Variants in LRRTM4 observed in about 807,000 individuals in gnomAD.
LRRTM4 encodes leucine-rich repeat transmembrane neuronal protein 4.
A neutral mutation model predicts 47.6 loss-of-function variants in LRRTM4; 25 were observed. The observed-to-expected ratio is 0.53, with a 90% confidence interval of 0.38 to 0.73. The LOEUF is 0.73. Among genes scored for constraint, LRRTM4 ranks in the 30% least tolerant of loss-of-function variants. The pLI, the probability that LRRTM4 is intolerant of heterozygous loss-of-function variation, is 0.00. For missense variants in LRRTM4, 638 were observed against 713.4 expected (o/e 0.89, Z 1.20); for synonymous variants, 311 against 269.5 (o/e 1.15, Z -1.51).
intron 3 of LRRTM4, among the ~76,000 whole-genome samples, chr2:76,872,299 T>C (rs978349126): frequency 2.6e-5 from 4 of 152,154 alleles, no homozygotes; most frequent in African/African-American, 7.2e-5. Flanking sequence ...TATTGCAACA[T>C]TGAACCAGTA....
At chr2:76,957,083 G>T (rs1399872085) in intron 3 of LRRTM4, among the ~76,000 whole-genome samples, 1 of 151,686 alleles carries the variant, frequency 6.6e-6, no homozygotes, top group Non-Finnish European at 1.5e-5. Context: ...TATTTGGCAA[G>T]AAAAGAGAAA....
intron 3 of LRRTM4, among the ~76,000 whole-genome samples, chr2:77,024,213 A>G (rs903242109): frequency 6.6e-6 from 1 of 152,176 alleles, no homozygotes; most frequent in Non-Finnish European, 1.5e-5. Context: ...CGGGAATACA[A>G]TTCCAAATGA....
At chr2:77,456,238 G>A (rs1381332079) in intron 3 of LRRTM4, among the ~76,000 whole-genome samples, 2 of 152,042 alleles carry the variant, frequency 1.3e-5, no homozygotes, top group East Asian at 1.9e-4. Context: ...TATTTACTAT[G>A]CTACCCTAAA....
At chr2:76,982,332 A>G (rs1224330124) in intron 3 of LRRTM4, among the ~76,000 whole-genome samples, 1 of 152,080 alleles carries the variant, frequency 6.6e-6, no homozygotes, top group East Asian at 1.9e-4. Context: ...CACTCTGACA[A>G]TGCCGGTGAT....
chr2:77,079,923 G>C (rs556432234), intron 3 of LRRTM4, among the ~76,000 whole-genome samples: 19 of 151,718 alleles, frequency 1.3e-4, no homozygotes, highest in Non-Finnish European at 2.4e-4. Context: ...TTTTATGATA[G>C]AAATATATTT....
At chr2:77,052,823 A>G (rs1346464557) in intron 3 of LRRTM4, among the ~76,000 whole-genome samples, 1 of 152,114 alleles carries the variant, frequency 6.6e-6, no homozygotes, top group African/African-American at 2.4e-5. Context: ...TTTTTTTAAA[A>G]AACAGTGAAA....
chr2:77,008,015 T>G (rs1446705), intron 3 of LRRTM4, among the ~76,000 whole-genome samples: 83,314 of 152,030 alleles, frequency 0.55, 24,861 homozygotes, highest in African/African-American at 0.79. Context: ...AATCTCCACT[T>G]CACCAAACTG....
At chr2:77,106,781 T>C (rs1016881491) in intron 3 of LRRTM4, among the ~76,000 whole-genome samples, 1 of 151,944 alleles carries the variant, frequency 6.6e-6, no homozygotes, top group African/African-American at 2.4e-5. Context: ...AAGTTGCCAA[T>C]ATTAATGATA....
chr2:76,873,443 G>C lies in LRRTM4; in HGVS notation c.1552-124527C>G, dbSNP rs192290855. ...TGTATATGTATACATTATATAGTCT[G>C]TGTGTATATATATATAACGTGTGTG... On this transcript the variant is annotated intron_variant, in intron 3 of 3. Coordinates refer to ENST00000409884, the MANE Select transcript of LRRTM4 (RefSeq NM_001134745.3). 5.5e-5 allele frequency among the ~76,000 whole-genome samples: 8 copies of C among 145,542 alleles called. No individual in the cohort carries two copies. The East Asian group carries it at 1.6e-3, about 29-fold the overall frequency.
At chr2:77,245,533 AAAAAAG>A (rs1395293939) in intron 3 of LRRTM4, among the ~76,000 whole-genome samples, 1 of 101,504 alleles carries the variant, frequency 9.9e-6, no homozygotes. Context: ...AAAAAAAAAA[AAAAAAG>A]AAGAAGAAGA....
At chr2:77,459,094 G>C (rs1676676141) in intron 3 of LRRTM4, among the ~76,000 whole-genome samples, 1 of 151,800 alleles carries the variant, frequency 6.6e-6, no homozygotes. Context: ...AAAAAGTTCA[G>C]ACATTCATTT....
intron 3 of LRRTM4, among the ~76,000 whole-genome samples, chr2:77,180,762 A>G (rs1409202199): frequency 3.9e-5 from 6 of 152,146 alleles, no homozygotes; most frequent in Admixed American, 3.9e-4. Flanking sequence ...ACTTGTCATA[A>G]GAGCTATGTG....
chr2:77,324,365 T>G (rs1298493565), intron 3 of LRRTM4, among the ~76,000 whole-genome samples: 1 of 152,260 alleles, frequency 6.6e-6, no homozygotes, highest in Non-Finnish European at 1.5e-5. Flanking sequence ...TAAGCTCATA[T>G]GCACACAAAT....
intron 3 of LRRTM4, among the ~76,000 whole-genome samples, chr2:77,283,769 C>T (rs945606311): frequency 1.3e-5 from 2 of 151,878 alleles, no homozygotes; most frequent in Admixed American, 6.6e-5. Flanking sequence ...GGAACCTAAA[C>T]ATTAGATACT....
intron 3 of LRRTM4, among the ~76,000 whole-genome samples, chr2:77,299,791 T>C (rs981616634): frequency 4.0e-5 from 6 of 151,296 alleles, no homozygotes; most frequent in African/African-American, 1.5e-4. Flanking sequence ...TTGACAGATA[T>C]ACGGAAATCT....
intron 3 of LRRTM4, among the ~76,000 whole-genome samples, chr2:77,153,150 T>G (rs974337120): frequency 6.6e-6 from 1 of 152,154 alleles, no homozygotes; most frequent in African/African-American, 2.4e-5. Flanking sequence ...ATTAGCACCT[T>G]TAATGCTCAC....
At chr2:77,456,599 G>A (rs535156752) in intron 3 of LRRTM4, among the ~76,000 whole-genome samples, 11 of 151,948 alleles carry the variant, frequency 7.2e-5, no homozygotes, top group Non-Finnish European at 1.3e-4. Context: ...ATGTTTTAAT[G>A]TAGTTTATCT....
chr2:77,256,071 T>A (rs1675756683), intron 3 of LRRTM4, among the ~76,000 whole-genome samples: 2 of 151,968 alleles, frequency 1.3e-5, no homozygotes, highest in South Asian at 4.1e-4. Context: ...AAAACACCAA[T>A]GTCATGAATA....
chr2:77,468,603 A>C (rs1229288848), intron 3 of LRRTM4, among the ~76,000 whole-genome samples: 1 of 152,184 alleles, frequency 6.6e-6, no homozygotes, highest in East Asian at 1.9e-4. Context: ...CCCATGCAGC[A>C]CGGTGAATGC....
Sources: allele counts gnomAD v4.1 joint callset (sites outside exome capture counted in the v4.1 genomes callset), GRCh38; gene constraint gnomAD v4.1.1; transcripts MANE v1.5; gene names NCBI Gene and HGNC (gene_info 2026-07-23, HGNC 2026-07-21).